Variants in FOXJ3 observed in about 807,000 individuals in gnomAD.
FOXJ3 encodes forkhead box protein J3.
Under a neutral mutation model 76.1 loss-of-function variants are expected in FOXJ3, and 22 were observed. That is an observed-to-expected ratio of 0.29 (90% CI 0.21 to 0.41). FOXJ3 has a LOEUF of 0.41. FOXJ3 is among the 10% of genes least tolerant of loss of function. The pLI is 1.00. For synonymous variants in FOXJ3, 269 were observed against 261.2 expected (o/e 1.03, Z -0.29); for missense variants, 613 against 762.1 (o/e 0.80, Z 2.30).
chr1:42,250,122 A>G (rs1365117766), intron 4 of FOXJ3, among the ~76,000 whole-genome samples: 1 of 152,246 alleles, frequency 6.6e-6, no homozygotes, highest in Non-Finnish European at 1.5e-5. Context: ...GCAGCAATGT[A>G]GAAGGCACAG....
intron 4 of FOXJ3, among the ~76,000 whole-genome samples, chr1:42,259,031 C>A (rs1190203536): frequency 6.6e-6 from 1 of 152,140 alleles, no homozygotes; most frequent in Non-Finnish European, 1.5e-5. Context: ...AGTGATTAAA[C>A]TCTGATAAAT....
chr1:42,189,482 T>C, intron 9 of FOXJ3, 78 bp from the exon 10 acceptor site: 1 of 1,014,376 alleles, frequency 9.9e-7, no homozygotes, highest in South Asian at 1.4e-5. Context: ...TGAGCTGCCC[T>C]TATTCCTGAA....
At chr1:42,225,914 TA>T (rs957863357) in intron 5 of FOXJ3, among the ~76,000 whole-genome samples, 1 of 152,098 alleles carries the variant, frequency 6.6e-6, no homozygotes, top group African/African-American at 2.4e-5. Flanking sequence ...GTAACAAGAA[TA>T]AAAGGCAAGC....
intron 1 of FOXJ3, among the ~76,000 whole-genome samples, chr1:42,321,378 T>C (rs1282988606): frequency 3.3e-5 from 5 of 152,200 alleles, no homozygotes; most frequent in East Asian, 1.9e-4. Context: ...TGATGAGCAA[T>C]TGGTAACATG....
Position 42,279,998 on chromosome 1 carries a change from G to A in FOXJ3, c.45-1326C>T, listed in dbSNP as rs1245926729. Among the ~76,000 whole-genome samples the A allele has an allele frequency of 3.9e-5, 6 of 152,112 alleles. No homozygotes were observed. In the East Asian group the frequency reaches 1.2e-3, roughly 29 times the overall value. On this transcript the variant is annotated intron_variant, in intron 2 of 12. Coordinates refer to ENST00000361346, the MANE Select transcript of FOXJ3 (RefSeq NM_014947.5). ...AGAACAGGGAGTTTGGGGTAAGGAA[G>A]ACCCAGAGTCTAAGTACTGATTCTA...
chr1:42,230,413 A>G (rs1321232511), intron 4 of FOXJ3, among the ~76,000 whole-genome samples: 2 of 152,156 alleles, frequency 1.3e-5, no homozygotes, highest in Non-Finnish European at 2.9e-5. Context: ...TGGATATCAG[A>G]TTTTTTCAGA....
chr1:42,284,857 A>T (rs1436410608), intron 2 of FOXJ3, among the ~76,000 whole-genome samples: 1 of 152,220 alleles, frequency 6.6e-6, no homozygotes, highest in African/African-American at 2.4e-5. Context: ...AGTAACATTA[A>T]TAGTATCTGT....
intron 5 of FOXJ3, among the ~76,000 whole-genome samples, chr1:42,224,165 A>G (rs1441257334): frequency 6.6e-6 from 1 of 152,228 alleles, no homozygotes; most frequent in African/African-American, 2.4e-5. Context: ...TGAAGTCAGA[A>G]AAGAAATATG....
rs1003488835 is a variant in FOXJ3 at position 42,178,362 on chromosome 1, G to C, written c.*1348C>G. 6.6e-6 allele frequency: 1 copy of C among 152,192 alleles called. No homozygotes were observed. Among genetic ancestry groups the C allele is most frequent in the Non-Finnish European group, 1.5e-5 (1 of 68,034 alleles). 9.4% of individuals were successfully genotyped at this position (152,192 alleles called of 1,614,324 possible). ...TCTGATTCAAATTCCAGAAAAATCCGATTTAACTAATAAGTCTGAATCAGC... is the reference window on the plus strand; with the variant it reads ...TCTGATTCAAATTCCAGAAAAATCCCATTTAACTAATAAGTCTGAATCAGC... On this transcript the variant is annotated 3_prime_UTR_variant, in exon 13 of 13. Coordinates refer to ENST00000361346, the MANE Select transcript of FOXJ3 (RefSeq NM_014947.5).
chr1:42,296,110 A>AC (rs1653771104), intron 2 of FOXJ3, among the ~76,000 whole-genome samples: 1 of 152,058 alleles, frequency 6.6e-6, no homozygotes, highest in African/African-American at 2.4e-5. Context: ...AATGTTGAGT[A>AC]TTTTTTTCAA....
chr1:42,278,813 G>T, intron 2 of FOXJ3, 141 bp from the exon 3 acceptor site: 3 of 600,154 alleles, frequency 5.0e-6, no homozygotes, highest in Non-Finnish European at 8.7e-6. Flanking sequence ...GTATGTTAAT[G>T]AGCAAACCAA....
chr1:42,264,875 A>G, intron 4 of FOXJ3: 1 of 415,542 alleles, frequency 2.4e-6, no homozygotes, highest in Non-Finnish European at 4.3e-6. Flanking sequence ...AATTTAATAC[A>G]CAATACTTCA....
At chr1:42,195,868 C>T (rs1228182593) in intron 7 of FOXJ3, among the ~76,000 whole-genome samples, 1 of 152,238 alleles carries the variant, frequency 6.6e-6, no homozygotes, top group South Asian at 2.1e-4. Context: ...ATAGGCAAGG[C>T]TCCATGGCAG....
intron 4 of FOXJ3, among the ~76,000 whole-genome samples, chr1:42,229,505 G>A (rs1470447671): frequency 2.0e-5 from 3 of 152,156 alleles, no homozygotes; most frequent in African/African-American, 7.2e-5. Flanking sequence ...TGGGGTACAA[G>A]GTAGGTGTGT....
chr1:42,330,421 T>C (rs1322167163), intron 1 of FOXJ3, among the ~76,000 whole-genome samples: 2 of 152,182 alleles, frequency 1.3e-5, no homozygotes, highest in South Asian at 2.1e-4. Context: ...GCGGATCACT[T>C]GAGCCCGGGA....
intron 3 of FOXJ3, among the ~76,000 whole-genome samples, chr1:42,269,230 C>T (rs972524293): frequency 1.3e-5 from 2 of 151,992 alleles, no homozygotes; most frequent in Non-Finnish European, 2.9e-5. Context: ...CAATTCAAAT[C>T]TAAAATAAGA....
At chr1:42,216,293 C>A (rs556135714) in intron 5 of FOXJ3, among the ~76,000 whole-genome samples, 1 of 151,642 alleles carries the variant, frequency 6.6e-6, no homozygotes. Flanking sequence ...CCGAGGCGGG[C>A]GGATCACGAG....
At chr1:42,227,679 C>T (rs1159806609) in intron 5 of FOXJ3, among the ~76,000 whole-genome samples, 1 of 152,146 alleles carries the variant, frequency 6.6e-6, no homozygotes, top group East Asian at 1.9e-4. Flanking sequence ...ATGACAAAAC[C>T]TTTTACTTAA....
intron 4 of FOXJ3, among the ~76,000 whole-genome samples, chr1:42,237,512 CTT>C (rs1648782572): frequency 6.8e-6 from 1 of 146,280 alleles, no homozygotes; most frequent in African/African-American, 2.5e-5. Context: ...TGTTATTAGA[CTT>C]TTTAATATTC....
Sources: allele counts gnomAD v4.1 joint callset (sites outside exome capture counted in the v4.1 genomes callset), GRCh38; gene constraint gnomAD v4.1.1; transcripts MANE v1.5; gene names NCBI Gene and HGNC (gene_info 2026-07-23, HGNC 2026-07-21).